The following GPC5 variants were observed in gnomAD, a reference collection of about 807,000 sequenced individuals.
GPC5 encodes the protein glypican-5.
Under a neutral mutation model 53.9 loss-of-function variants are expected in GPC5, and 47 were observed. That is an observed-to-expected ratio of 0.87 (90% CI 0.69 to 1.11). The LOEUF is 1.11. Among genes scored for constraint, GPC5 ranks in the 50% most tolerant of loss-of-function variants. GPC5 has a pLI of 0.00. For synonymous variants in GPC5, 286 were observed against 263.3 expected, an observed-to-expected ratio of 1.09 and a Z score of -0.84; for missense variants, 748 against 713.1, an observed-to-expected ratio of 1.05 and a Z score of -0.56.
chr13:91,863,721 G>A (rs966257746), intron 5 of GPC5, among the ~76,000 whole-genome samples: 5 of 152,142 alleles, frequency 3.3e-5, no homozygotes, highest in African/African-American at 1.2e-4. Flanking sequence ...ATTCCTTATG[G>A]TTAATATCTG....
At chr13:91,466,328 G>C (rs1026028428) in intron 2 of GPC5, among the ~76,000 whole-genome samples, 5 of 152,128 alleles carry the variant, frequency 3.3e-5, no homozygotes, top group Non-Finnish European at 7.4e-5. Flanking sequence ...ACTCTCCAAG[G>C]GGGACTTGTC....
chr13:91,807,655 T>G (rs538580966), intron 5 of GPC5, among the ~76,000 whole-genome samples: 15 of 152,186 alleles, frequency 9.9e-5, no homozygotes, highest in Non-Finnish European at 1.6e-4. Context: ...GTAGCATTTT[T>G]GAGGAATGAC....
At chr13:92,503,583 C>G (rs559149266) in intron 7 of GPC5, among the ~76,000 whole-genome samples, 142 of 151,182 alleles carry the variant, frequency 9.4e-4, no homozygotes, top group Admixed American at 3.7e-3. Context: ...CCCAGGAAAA[C>G]AACAAAGAAA....
intron 7 of GPC5, among the ~76,000 whole-genome samples, chr13:92,799,118 T>C (rs1876809049): frequency 6.6e-6 from 1 of 151,716 alleles, no homozygotes; most frequent in Non-Finnish European, 1.5e-5. Flanking sequence ...CTCTTAGAGA[T>C]TGCTACCCCT....
chr13:91,803,025 C>T (rs1462189524), intron 5 of GPC5, among the ~76,000 whole-genome samples: 1 of 151,864 alleles, frequency 6.6e-6, no homozygotes, highest in African/African-American at 2.4e-5. Flanking sequence ...TCTTTCTTAC[C>T]AAGTAGATGT....
At chr13:91,832,456 T>C (rs767948441) in intron 5 of GPC5, among the ~76,000 whole-genome samples, 1 of 152,062 alleles carries the variant, frequency 6.6e-6, no homozygotes, top group Non-Finnish European at 1.5e-5. Context: ...TGTCTTTTAA[T>C]TGGGGCATTT....
intron 5 of GPC5, among the ~76,000 whole-genome samples, chr13:91,786,369 C>T (rs1358751444): frequency 6.6e-6 from 1 of 152,166 alleles, no homozygotes; most frequent in African/African-American, 2.4e-5. Flanking sequence ...ACTTGGTCCC[C>T]AGTGACCTCT....
chr13:91,799,729 G>C (rs2038104100), intron 5 of GPC5, among the ~76,000 whole-genome samples: 1 of 152,088 alleles, frequency 6.6e-6, no homozygotes, highest in Admixed American at 6.6e-5. Flanking sequence ...AACAGTATTT[G>C]TTGAATACAT....
chr13:92,300,642 G>T (rs1566527720), intron 7 of GPC5, among the ~76,000 whole-genome samples: 1 of 152,168 alleles, frequency 6.6e-6, no homozygotes, highest in Non-Finnish European at 1.5e-5. Flanking sequence ...TAATTTAAAG[G>T]CTTTCTGTCT....
rs116768909 is a variant in GPC5 at position 92,818,165 on chromosome 13, A to G, written c.1562-48117A>G. On this transcript the variant is annotated intron_variant, in intron 7 of 7. Coordinates refer to ENST00000377067, the MANE Select transcript of GPC5 (RefSeq NM_004466.6). ...GTAGCTGGGATTACAGGCACCCATC[A>G]CTGCACCTGGCTAATTTTTGTCTTC... Among the ~76,000 whole-genome samples the G allele has an allele frequency of 8.9e-3, 1,355 of 151,776 alleles. 43 individuals are homozygous for G. Among genetic ancestry groups the G allele is most frequent in the African/African-American group, 0.031 (1,287 of 41,220 alleles).
intron 6 of GPC5, among the ~76,000 whole-genome samples, chr13:91,924,677 G>A (rs557730619): frequency 5.9e-5 from 9 of 152,234 alleles, no homozygotes; most frequent in East Asian, 1.9e-4. Context: ...GGAGGTTGAG[G>A]TTGTGGTGAG....
intron 7 of GPC5, among the ~76,000 whole-genome samples, chr13:92,291,638 C>A (rs545538321): frequency 4.6e-5 from 7 of 152,286 alleles, no homozygotes; most frequent in Admixed American, 3.9e-4. Flanking sequence ...CCAGCAGTGG[C>A]AACCCGCTAG....
At chr13:91,433,939 C>T (rs1490338963) in intron 1 of GPC5, among the ~76,000 whole-genome samples, 3 of 152,158 alleles carry the variant, frequency 2.0e-5, no homozygotes, top group Non-Finnish European at 2.9e-5. Flanking sequence ...ATTTGCATTT[C>T]TCTGATGGCC....
At chr13:92,028,019 T>TA (rs2040813244) in intron 6 of GPC5, among the ~76,000 whole-genome samples, 1 of 152,182 alleles carries the variant, frequency 6.6e-6, no homozygotes, top group African/African-American at 2.4e-5. Context: ...TAGAGGTTAG[T>TA]AAAAAGTAAA....
rs1214510275 is a variant in GPC5 at position 91,847,168 on chromosome 13, G to A, written c.1281-60769G>A. 2.8e-5 allele frequency among the ~76,000 whole-genome samples: 4 copies of A among 143,410 alleles called. No homozygotes were observed. The East Asian group carries it at 6.3e-4, about 23-fold the overall frequency. 94.1% of individuals were successfully genotyped at this position (143,410 alleles called of 152,430 possible). A position where few individuals can be genotyped will look rare whatever the true frequency, so the allele number is the denominator to read the frequency against. ...CAGGCGGCGGAGCTTGCAGTGAGCC[G>A]AGATGGCGCCACTGCACTCCAAGCC... is the stretch of plus-strand genomic sequence containing the variant. On this transcript the variant is annotated intron_variant, in intron 5 of 7. Coordinates refer to ENST00000377067, the MANE Select transcript of GPC5 (RefSeq NM_004466.6).
Position 92,252,780 on chromosome 13 carries a change from G to A in GPC5, c.1561+107791G>A, listed in dbSNP as rs1213501874. ...AATCGAAAAGTTGTAAAGGAACATTGCTGTTTATAAGTTGCTGAGTTAACA... is the reference window on the plus strand; with the variant it reads ...AATCGAAAAGTTGTAAAGGAACATTACTGTTTATAAGTTGCTGAGTTAACA... On this transcript the variant is annotated intron_variant, in intron 7 of 7. Transcript: ENST00000377067. 3.3e-5 allele frequency among the ~76,000 whole-genome samples: 5 copies of A among 152,202 alleles called. No individual in the cohort carries two copies. The South Asian group carries it at 1.0e-3, about 32-fold the overall frequency.
At chr13:92,694,465 G>A (rs927979478) in intron 7 of GPC5, among the ~76,000 whole-genome samples, 10 of 152,304 alleles carry the variant, frequency 6.6e-5, no homozygotes, top group Middle Eastern at 3.4e-3. Context: ...GTTTGCATTA[G>A]CATCCCTTGA....
chr13:91,478,882 T>TATATATATATATATATATATATGCAC, intron 2 of GPC5, among the ~76,000 whole-genome samples: 1 of 1,874 alleles, frequency 5.3e-4, no homozygotes, highest in Admixed American at 9.8e-3. Flanking sequence ...ATATACACAT[T>TATATATATATATATATATATATGCAC]ATATATATAT....
intron 7 of GPC5, among the ~76,000 whole-genome samples, chr13:92,428,802 A>G (rs1280243089): frequency 6.6e-6 from 1 of 152,086 alleles, no homozygotes; most frequent in South Asian, 2.1e-4. Flanking sequence ...AATCAATCGT[A>G]CTGATTCATG....
Sources: allele counts gnomAD v4.1 joint callset (sites outside exome capture counted in the v4.1 genomes callset), GRCh38; gene constraint gnomAD v4.1.1; transcripts MANE v1.5; gene names NCBI Gene and HGNC (gene_info 2026-07-23, HGNC 2026-07-21).